Variants in TNS1 observed in about 807,000 individuals in gnomAD.
TNS1 encodes the protein tensin 1, also known as tensin-1.
A neutral mutation model predicts 168.6 loss-of-function variants in TNS1; 62 were observed. The observed-to-expected ratio is 0.37, with a 90% CI of 0.30 to 0.45. The LOEUF is 0.45. Among genes scored for constraint, TNS1 ranks in the 20% least tolerant of loss-of-function variants. The pLI, the probability that TNS1 is intolerant of heterozygous loss-of-function variation, is 1.00. For synonymous variants in TNS1, 934 were observed against 933.2 expected, an observed-to-expected ratio of 1.00 and a Z score of -0.02; for missense variants, 2,240 against 2,339.4, an observed-to-expected ratio of 0.96 and a Z score of 0.88.
intron 32 of TNS1, among the ~76,000 whole-genome samples, chr2:217,807,700 G>A (rs1939438408): frequency 6.6e-6 from 1 of 152,196 alleles, no homozygotes; most frequent in South Asian, 2.1e-4. Flanking sequence ...TCACAGGAAA[G>A]CCCACCAAAA....
chr2:217,937,170 C>T (rs1401724494), intron 3 of TNS1: 1 of 377,140 alleles, frequency 2.7e-6, no homozygotes, highest in Non-Finnish European at 5.2e-6. Flanking sequence ...TGCAGCAACA[C>T]TCTGTCTACT....
At chr2:217,872,680 T>C (rs1391932511) in intron 18 of TNS1, among the ~76,000 whole-genome samples, 2 of 152,238 alleles carry the variant, frequency 1.3e-5, no homozygotes, top group Non-Finnish European at 2.9e-5. Flanking sequence ...GCAGTTCCAC[T>C]CCTGGCTATC....
intron 2 of TNS1, among the ~76,000 whole-genome samples, chr2:217,987,571 A>G (rs1375889724): frequency 1.3e-5 from 2 of 152,164 alleles, no homozygotes; most frequent in African/African-American, 4.8e-5. Context: ...CAAACGCCCC[A>G]GTGTCTCCAG....
intron 21 of TNS1, 66 bp downstream of exon 21, chr2:217,835,025 C>A: frequency 6.9e-7 from 1 of 1,445,920 alleles, no homozygotes; most frequent in Non-Finnish European, 9.3e-7. Flanking sequence ...GGCACTCCCA[C>A]AGGCAGGGTT....
chr2:218,009,697 G>C (rs1407296444), intron 1 of TNS1, among the ~76,000 whole-genome samples: 1 of 152,192 alleles, frequency 6.6e-6, no homozygotes, highest in Non-Finnish European at 1.5e-5. Context: ...CTGGGGATCG[G>C]GGGACAGGGG....
At chr2:217,809,725 G>T in intron 30 of TNS1, 98 bp downstream of exon 30, 1 of 1,289,480 alleles carries the variant, frequency 7.8e-7, no homozygotes, top group Non-Finnish European at 1.1e-6. Flanking sequence ...GCAGTTGGGT[G>T]CAAGGAATCA....
At chr2:217,904,919 T>C (rs1434581370) in intron 6 of TNS1, among the ~76,000 whole-genome samples, 1 of 152,060 alleles carries the variant, frequency 6.6e-6, no homozygotes, top group Non-Finnish European at 1.5e-5. Flanking sequence ...AGGTTAGCAG[T>C]TCAGGATAAC....
intron 22 of TNS1, among the ~76,000 whole-genome samples, chr2:217,828,615 C>T (rs748589465): frequency 1.3e-5 from 2 of 152,214 alleles, no homozygotes; most frequent in Non-Finnish European, 2.9e-5. Context: ...AGTCCTCACT[C>T]GAGTTCTGCT....
At chr2:218,004,087 T>C (rs147238740), upstream of TNS1, among the ~76,000 whole-genome samples, 168 of 152,320 alleles carry the variant, frequency 1.1e-3, no homozygotes, top group African/African-American at 3.8e-3. Context: ...CTGGACCAAC[T>C]GAGGGTGGGT....
rs1937822547 is a variant in TNS1 at position 217,803,587 on chromosome 2, G to C, written c.*872C>G. ...CCAGGCTTCTGGCCAAGGCAGGACA[G>C]GGCGATGCCATTGCAGACCCTCCCA... On this transcript the variant is annotated 3_prime_UTR_variant, in exon 33 of 33. Coordinates refer to ENST00000682258, the MANE Select transcript of TNS1 (RefSeq NM_001387777.1). 6.5e-6 allele frequency: 1 copy of C among 152,702 alleles called. No individual in the cohort carries two copies. The highest frequency in any genetic ancestry group is 1.5e-5 in the Non-Finnish European group (1 of 68,088). 9.5% of individuals were successfully genotyped at this position (152,702 alleles called of 1,614,324 possible).
intron 23 of TNS1, among the ~76,000 whole-genome samples, chr2:217,820,143 G>A (rs1297863049): frequency 6.6e-6 from 1 of 152,156 alleles, no homozygotes; most frequent in Non-Finnish European, 1.5e-5. Flanking sequence ...GGCTGAGCAG[G>A]GTGAGAGAAG....
Position 217,957,505 on chromosome 2 carries a change from T to C in TNS1, c.186+21260A>G, listed in dbSNP as rs570999525. ...AAGGACCCATCAGAAACAGTCAGCA[T>C]GTATCACCAATTGGCCGGTGAAGAT... On this transcript the variant is annotated intron_variant, in intron 3 of 32. Transcript: ENST00000682258. 7.9e-5 allele frequency among the ~76,000 whole-genome samples: 12 copies of C among 152,290 alleles called. No individual in the cohort carries two copies. The South Asian group carries it at 2.5e-3, about 32-fold the overall frequency.
chr2:217,818,230 C>T lies in TNS1; in HGVS notation c.4102G>A (p.Ala1368Thr), dbSNP rs1942228832. Residue 1368 changes from alanine to threonine, a missense_variant, in exon 24 of 33, where the codon GCC becomes ACC. By Grantham distance (58) the Ala-to-Thr change is moderately conservative. Around this residue, in one of 2 missense-constraint regions of TNS1, gnomAD observed 2,131 missense variants for 2,171.2 expected, o/e 0.98. Coordinates refer to ENST00000682258, the MANE Select transcript of TNS1 (RefSeq NM_001387777.1). Reference sequence around the variant, plus strand: ...AGGCTGGGACTCCCCGGGGTGGTGGCCACTTTGTTGTGGAGGCCAGAAACC... The same window carrying T: ...AGGCTGGGACTCCCCGGGGTGGTGGTCACTTTGTTGTGGAGGCCAGAAACC... The part of the protein sequence containing the change: ...YQVSGLHNKV[A>T]TTPGSPSLGR... The T allele has an allele frequency of 4.3e-6, 7 of 1,613,842 alleles. No individual in the cohort carries two copies.
Position 217,827,200 on chromosome 2 carries a change from G to A in TNS1, c.3373+4255C>T, listed in dbSNP as rs145864101. ...TCCCAAAGCCTGGCAAACAGTCAGC[G>A]CACAAAGTATTATGAATAAATGAAT... On this transcript the variant is annotated intron_variant, in intron 22 of 32. Coordinates refer to ENST00000682258, the MANE Select transcript of TNS1 (RefSeq NM_001387777.1). Among the ~76,000 whole-genome samples, 75 of 152,218 alleles carry A rather than the reference G, an allele frequency of 4.9e-4. 2 individuals are homozygous for A. The East Asian group carries it at 0.011, about 22-fold the overall frequency.
chr2:217,902,943 G>C (rs1049696783), intron 6 of TNS1, among the ~76,000 whole-genome samples: 5 of 152,214 alleles, frequency 3.3e-5, no homozygotes, highest in African/African-American at 1.2e-4. Flanking sequence ...GGTACACACA[G>C]ACAGACAGAA....
rs114258759 is a variant in TNS1, at chr2:218,000,676, C to T, written c.33+2164G>A. 6.0e-3 allele frequency among the ~76,000 whole-genome samples: 907 copies of T among 152,338 alleles called. 11 individuals are homozygous for T. Among genetic ancestry groups the T allele is most frequent in the African/African-American group, 0.02 (839 of 41,564 alleles). On this transcript the variant is annotated intron_variant, in intron 1 of 32. Coordinates refer to ENST00000682258, the MANE Select transcript of TNS1 (RefSeq NM_001387777.1). ...CTTTACCAAGCCTGCCCATACCAAA[C>T]GATGGAAATAGGGTTTGAGCCTAGT...
At chr2:217,958,499 G>A (rs79150543) in intron 3 of TNS1, among the ~76,000 whole-genome samples, 2 of 152,198 alleles carry the variant, frequency 1.3e-5, no homozygotes, top group South Asian at 2.1e-4. Context: ...AATGACGATG[G>A]TAAATGATGA....
At chr2:218,031,113 T>A (rs1379113762) in intron 1 of TNS1, among the ~76,000 whole-genome samples, 2 of 135,714 alleles carry the variant, frequency 1.5e-5, no homozygotes, top group African/African-American at 5.3e-5. Flanking sequence ...TGTATGAGTG[T>A]GTGTGAGCAT....
upstream of TNS1, among the ~76,000 whole-genome samples, chr2:218,010,954 C>G (rs918021313): frequency 3.9e-5 from 6 of 152,210 alleles, no homozygotes; most frequent in Non-Finnish European, 7.3e-5. Flanking sequence ...GCCACACACT[C>G]CGACTCCTCA....
Sources: allele counts gnomAD v4.1 joint callset (sites outside exome capture counted in the v4.1 genomes callset), GRCh38; gene constraint gnomAD v4.1.1; regional missense constraint gnomAD v4.1.1; transcripts MANE v1.5; gene names NCBI Gene and HGNC (gene_info 2026-07-23, HGNC 2026-07-21).